WRN: variants seen among roughly 807,000 people sequenced by gnomAD.
WRN encodes the protein WRN RecQ like helicase, also known as bifunctional 3'-5' exonuclease/ATP-dependent helicase WRN.
In WRN, 149 loss-of-function variants were observed where a neutral mutation model predicts 180.7. That is an observed-to-expected ratio of 0.82 (90% CI 0.72 to 0.94). The LOEUF is 0.94. Ranked by LOEUF, WRN falls within the 40% of genes least tolerant of loss-of-function variation. The probability of loss-of-function intolerance (pLI) is 0.00; values close to 1 mark genes in which losing one functional copy is unlikely to be tolerated. For missense variants in WRN, 1,661 were observed against 1,700.1 expected, an observed-to-expected ratio of 0.98 and a Z score of 0.40; for synonymous variants, 548 against 568.9, an observed-to-expected ratio of 0.96 and a Z score of 0.52.
intron 16 of WRN, among the ~76,000 whole-genome samples, chr8:31,092,527 A>G (rs1813790695): frequency 6.6e-6 from 1 of 151,944 alleles, no homozygotes; most frequent in South Asian, 2.1e-4. Context: ...ATTAATATAT[A>G]TGCATATATA....
intron 33 of WRN, among the ~76,000 whole-genome samples, chr8:31,159,199 C>G (rs186541132): frequency 7.4e-4 from 113 of 151,964 alleles, no homozygotes; most frequent in African/African-American, 2.7e-3. Flanking sequence ...ACTTGGGAGT[C>G]TGAGTCAGGA....
rs1177561444 is a variant in WRN at position 31,104,837 on chromosome 8, GC to G, written c.2088+3884del. 5.3e-5 allele frequency among the ~76,000 whole-genome samples: 8 copies of G among 152,070 alleles called. 1 individual carries two copies. The highest frequency in any genetic ancestry group is 5.2e-4 in the Admixed American group (8 of 15,276). ...TGTGGGTCTATTTCTGGGTTCTCTA[GC>G]CTGTTATATTAATTTTGAACGAATA... is the stretch of plus-strand genomic sequence containing the variant. On this transcript the variant is annotated intron_variant, in intron 18 of 34. Coordinates refer to ENST00000298139, the MANE Select transcript of WRN (RefSeq NM_000553.6).
At chr8:31,158,299 G>T (rs1221147763) in intron 33 of WRN, among the ~76,000 whole-genome samples, 3 of 152,128 alleles carry the variant, frequency 2.0e-5, no homozygotes, top group Non-Finnish European at 4.4e-5. Context: ...ACCAAGTTCT[G>T]TGGGCCGCTA....
chr8:31,131,160 C>CTTTTTTTTTTTT (rs71206302), intron 23 of WRN, among the ~76,000 whole-genome samples: 19,531 of 106,434 alleles, frequency 0.18, 2,522 homozygotes, highest in South Asian at 0.25. Context: ...TTGCAACTTT[C>CTTTTTTTTTTTT]TTTTTTTTTG....
intron 21 of WRN, among the ~76,000 whole-genome samples, chr8:31,121,469 C>A (rs1337951624): frequency 6.6e-6 from 1 of 151,898 alleles, no homozygotes; most frequent in Non-Finnish European, 1.5e-5. Context: ...AATGGTAATT[C>A]TTTAGAGAAT....
In WRN at chr8:31,173,296, C is replaced by T. The variant is rs11574411; in HGVS notation, c.*194C>T. ...AGTTTCTGGGTCTTCTGGGAGCCTA[C>T]GTGAGTACATCACCTAACAGAATAT... is the stretch of plus-strand genomic sequence containing the variant. On this transcript the variant is annotated 3_prime_UTR_variant, in exon 35 of 35. Coordinates refer to ENST00000298139, the MANE Select transcript of WRN (RefSeq NM_000553.6). 1.3e-3 allele frequency: 782 copies of T among 599,404 alleles called. 10 individuals are homozygous for T. The African/African-American group carries it at 0.014, about 10-fold the overall frequency. 37.1% of individuals were successfully genotyped at this position (599,404 alleles called of 1,614,324 possible). A position where few individuals can be genotyped will look rare whatever the true frequency, so the allele number is the denominator to read the frequency against.
intron 33 of WRN, among the ~76,000 whole-genome samples, chr8:31,162,141 G>A (rs1251898605): frequency 6.6e-6 from 1 of 151,082 alleles, no homozygotes; most frequent in Non-Finnish European, 1.5e-5. Context: ...TTACTGTAAT[G>A]ATTCTTCTTT....
intron 32 of WRN, among the ~76,000 whole-genome samples, chr8:31,156,021 T>C (rs542312645): frequency 9.2e-5 from 14 of 152,362 alleles, no homozygotes; most frequent in Admixed American, 2.6e-4. Flanking sequence ...ATAATTCCAT[T>C]ATACTATTTT....
chr8:31,119,786 T>G (rs1801651205), intron 20 of WRN, among the ~76,000 whole-genome samples: 1 of 152,040 alleles, frequency 6.6e-6, no homozygotes, highest in Non-Finnish European at 1.5e-5. Context: ...ATATGAGACA[T>G]TCTATCAATT....
chr8:31,049,723 A>G (rs1197694260), intron 1 of WRN, among the ~76,000 whole-genome samples: 1 of 152,022 alleles, frequency 6.6e-6, no homozygotes. Context: ...TGGATTTGCT[A>G]TTTTTATCTG....
intron 28 of WRN, among the ~76,000 whole-genome samples, chr8:31,145,689 T>G (rs1301235818): frequency 6.6e-6 from 1 of 152,240 alleles, no homozygotes; most frequent in Non-Finnish European, 1.5e-5. Context: ...AGATAGTGAT[T>G]ATCAGAGATG....
At chr8:31,171,457 G>T (rs556667023) in intron 34 of WRN, 1 of 152,248 alleles carries the variant, frequency 6.6e-6, no homozygotes, top group South Asian at 2.1e-4. Flanking sequence ...TTAGAAAGAT[G>T]CAAAATGCCT....
chr8:31,078,106 G>A (rs1212733305), intron 8 of WRN, among the ~76,000 whole-genome samples: 1 of 152,182 alleles, frequency 6.6e-6, no homozygotes, highest in African/African-American at 2.4e-5. Context: ...TGTGCCTTGA[G>A]TGCTTTTTTC....
At chr8:31,096,720 C>A (rs1302247403) in intron 16 of WRN, 48 bp from the exon 17 acceptor site, 2 of 1,389,106 alleles carry the variant, frequency 1.4e-6, no homozygotes, top group Non-Finnish European at 2.0e-6. Flanking sequence ...TAATATGTTT[C>A]CCTTCCTGTT....
intron 7 of WRN, among the ~76,000 whole-genome samples, chr8:31,068,969 C>T (rs1050125990): frequency 4.6e-5 from 7 of 152,170 alleles, no homozygotes; most frequent in Admixed American, 1.3e-4. Flanking sequence ...ATGTGAATCC[C>T]AGCCATGTGA....
intron 31 of WRN, among the ~76,000 whole-genome samples, chr8:31,152,404 G>C (rs1248874803): frequency 6.6e-6 from 1 of 151,972 alleles, no homozygotes; most frequent in East Asian, 1.9e-4. Flanking sequence ...AAAAAATTCA[G>C]GGGTAGGGAC....
chr8:31,087,254 C>A (rs1813569535), intron 11 of WRN, among the ~76,000 whole-genome samples: 1 of 152,032 alleles, frequency 6.6e-6, no homozygotes, highest in South Asian at 2.1e-4. Context: ...AAAATAAAAA[C>A]AAATAACTTT....
intron 16 of WRN, among the ~76,000 whole-genome samples, chr8:31,094,255 C>T (rs1014664489): frequency 1.3e-5 from 2 of 151,902 alleles, no homozygotes; most frequent in African/African-American, 2.4e-5. Context: ...AATATATAAC[C>T]ATCATAATTA....
At chr8:31,156,566 T>G (rs879937349) in intron 32 of WRN, among the ~76,000 whole-genome samples, 6 of 152,334 alleles carry the variant, frequency 3.9e-5, no homozygotes, top group East Asian at 3.9e-4. Flanking sequence ...TGAAAAACAT[T>G]GCCTTAAATG....
Sources: allele counts gnomAD v4.1 joint callset (sites outside exome capture counted in the v4.1 genomes callset), GRCh38; gene constraint gnomAD v4.1.1; transcripts MANE v1.5; gene names NCBI Gene and HGNC (gene_info 2026-07-23, HGNC 2026-07-21).